PRICKLE1: variants seen among roughly 807,000 people sequenced by gnomAD.
The protein encoded by PRICKLE1 is prickle planar cell polarity protein 1.
A neutral mutation model predicts 70.2 loss-of-function variants in PRICKLE1; 14 were observed. That is an observed-to-expected ratio of 0.20 (90% CI 0.13 to 0.31). PRICKLE1 has a LOEUF of 0.31. Among genes scored for constraint, PRICKLE1 ranks in the 10% least tolerant of loss-of-function variants. The probability of loss-of-function intolerance (pLI) is 1.00; values close to 1 mark genes in which losing one functional copy is unlikely to be tolerated. For synonymous variants in PRICKLE1, 357 were observed against 379.9 expected (o/e 0.94, Z 0.70); for missense variants, 821 against 1,026.2 (o/e 0.80, Z 2.73).
Position 42,470,255 on chromosome 12 carries a change from A to C in PRICKLE1, c.237T>G (p.His79Gln), listed in dbSNP as rs2140118839. The stretch of plus-strand genomic sequence containing the variant: ...CTTCCTGCTATTTTACCTCATTATC[A>C]TGTGGTGGTAACTGGTACAAAAGCT... ...IKQLLYQLPP[H>Q]DNEVRYCQSL... Residue 79 changes from histidine to glutamine, a missense_variant, in exon 3 of 8, where the codon CAT becomes CAG. Coordinates refer to ENST00000345127, the MANE Select transcript of PRICKLE1 (RefSeq NM_153026.3). The C allele has an allele frequency of 1.9e-6, 3 of 1,607,760 alleles. No individual in the cohort carries two copies. The highest frequency in any genetic ancestry group is 2.6e-6 in the Non-Finnish European group (3 of 1,174,420).
chr12:42,583,109 A>G (rs887343545), intron 1 of PRICKLE1, among the ~76,000 whole-genome samples: 2 of 151,932 alleles, frequency 1.3e-5, no homozygotes, highest in South Asian at 4.2e-4. Flanking sequence ...TGGTGAAACT[A>G]TACATGGCTT....
chr12:42,480,455 A>C (rs985326726), intron 1 of PRICKLE1, among the ~76,000 whole-genome samples: 4 of 152,244 alleles, frequency 2.6e-5, no homozygotes, highest in Non-Finnish European at 5.9e-5. Flanking sequence ...TGGCATGGAC[A>C]AGGGCTTAAG....
At chr12:42,532,527 G>C (rs952489389) in intron 1 of PRICKLE1, among the ~76,000 whole-genome samples, 1 of 152,176 alleles carries the variant, frequency 6.6e-6, no homozygotes, top group Non-Finnish European at 1.5e-5. Context: ...ATTTTATTTA[G>C]CTCAACTTAT....
chr12:42,492,948 G>A (rs1411143215), intron 1 of PRICKLE1, among the ~76,000 whole-genome samples: 1 of 152,176 alleles, frequency 6.6e-6, no homozygotes, highest in Non-Finnish European at 1.5e-5. Flanking sequence ...ATGGAGTGGT[G>A]AATGACTAAC....
intron 1 of PRICKLE1, among the ~76,000 whole-genome samples, chr12:42,514,005 C>T (rs1939562392): frequency 6.6e-6 from 1 of 151,978 alleles, no homozygotes; most frequent in Admixed American, 6.6e-5. Context: ...CTCCAAAAAA[C>T]AACAACAAAA....
At chr12:42,574,847 A>G (rs1267157766) in intron 1 of PRICKLE1, among the ~76,000 whole-genome samples, 1 of 152,010 alleles carries the variant, frequency 6.6e-6, no homozygotes, top group African/African-American at 2.4e-5. Context: ...ACAATCAGGA[A>G]ATGAAGAAAA....
In PRICKLE1 at chr12:42,460,069, G is replaced by A. The variant is rs3827522; in HGVS notation, c.2236C>T (p.Pro746Ser). 5.4e-3 allele frequency: 8,769 copies of A among 1,614,082 alleles called. 192 individuals are homozygous for A. The East Asian group carries it at 0.08, about 15-fold the overall frequency. Residue 746 changes from proline to serine, a missense_variant, in exon 8 of 8, where the codon CCA becomes TCA. Coordinates refer to ENST00000345127, the MANE Select transcript of PRICKLE1 (RefSeq NM_153026.3). ...AGTCCCAGAAACCGATTCATTCCTG[G>A]GTTCTGCAGGCCATAATCGGAAGTG... ...HATSDYGLQN[P>S]GMNRFLGLYG...
intron 1 of PRICKLE1, among the ~76,000 whole-genome samples, chr12:42,475,445 C>G (rs114216350): frequency 6.6e-6 from 1 of 152,130 alleles, no homozygotes; most frequent in Non-Finnish European, 1.5e-5. Context: ...TGCCCAAGGT[C>G]AGTAAGTGGT....
intron 1 of PRICKLE1, among the ~76,000 whole-genome samples, chr12:42,505,001 G>T (rs1431485159): frequency 6.6e-6 from 1 of 152,054 alleles, no homozygotes; most frequent in South Asian, 2.1e-4. Flanking sequence ...TTAGCCGAGC[G>T]TGGTGGCGGG....
intron 1 of PRICKLE1, among the ~76,000 whole-genome samples, chr12:42,531,548 C>T (rs1013858237): frequency 1.1e-4 from 16 of 152,168 alleles, no homozygotes; most frequent in African/African-American, 3.9e-4. Context: ...TTTTCCATTT[C>T]ATAATTGTGT....
intron 1 of PRICKLE1, among the ~76,000 whole-genome samples, chr12:42,559,328 C>CCCG (rs1940460972): frequency 6.6e-6 from 1 of 152,046 alleles, no homozygotes; most frequent in South Asian, 2.1e-4. Context: ...CAAAGTAAAG[C>CCCG]CCACTCAAGA....
At chr12:42,579,939 T>C (rs919400289) in intron 1 of PRICKLE1, among the ~76,000 whole-genome samples, 9 of 152,098 alleles carry the variant, frequency 5.9e-5, no homozygotes, top group African/African-American at 2.2e-4. Flanking sequence ...TGGCGCAATC[T>C]TGGCTCACTG....
chr12:42,502,924 G>A (rs1939340958), intron 1 of PRICKLE1, among the ~76,000 whole-genome samples: 1 of 152,210 alleles, frequency 6.6e-6, no homozygotes, highest in South Asian at 2.1e-4. Flanking sequence ...CAAACTTGCA[G>A]TTAAGCTGAA....
intron 1 of PRICKLE1, among the ~76,000 whole-genome samples, chr12:42,539,932 C>CTAATTGTAATTAAATTGTAATTAAA (rs1193489343): frequency 6.6e-6 from 1 of 152,124 alleles, no homozygotes; most frequent in Non-Finnish European, 1.5e-5. Context: ...AATCTAATGT[C>CTAATTGTAATTAAATTGTAATTAAA]CTGGAGAATA....
intron 5 of PRICKLE1, among the ~76,000 whole-genome samples, chr12:42,467,265 T>C (rs982520371): frequency 5.3e-5 from 8 of 151,606 alleles, no homozygotes; most frequent in African/African-American, 1.9e-4. Flanking sequence ...TAAAGGTGCA[T>C]GCCACCATGC....
Position 42,459,477 on chromosome 12 carries a change from A to G in PRICKLE1, c.*332T>C, listed in dbSNP as rs984942989. 3 of 658,098 alleles carry G rather than the reference A, an allele frequency of 4.6e-6. No individual in the cohort carries two copies. Among genetic ancestry groups the G allele is most frequent in the Middle Eastern group, 2.5e-4 (1 of 3,930 alleles). The allele number at this position is 658,098 out of a possible 1,614,324, so 40.8% of individuals were successfully genotyped here. A position where few individuals can be genotyped will look rare whatever the true frequency, so the allele number is the denominator to read the frequency against. On this transcript the variant is annotated 3_prime_UTR_variant, in exon 8 of 8. Coordinates refer to ENST00000345127, the MANE Select transcript of PRICKLE1 (RefSeq NM_153026.3). ...TTTACAAAGGTGGCTGGAGTTCTCCATCTTCTAAAATCAACATCCAATCCC... is the reference window on the plus strand; with the variant it reads ...TTTACAAAGGTGGCTGGAGTTCTCCGTCTTCTAAAATCAACATCCAATCCC...
chr12:42,522,023 T>C (rs1939719116), intron 1 of PRICKLE1, among the ~76,000 whole-genome samples: 2 of 150,846 alleles, frequency 1.3e-5, no homozygotes, highest in South Asian at 4.2e-4. Context: ...TTGCCCAGGC[T>C]AGAGTGCAGT....
intron 1 of PRICKLE1, among the ~76,000 whole-genome samples, chr12:42,493,548 T>C (rs1207058221): frequency 1.3e-5 from 2 of 152,176 alleles, no homozygotes; most frequent in Non-Finnish European, 2.9e-5. Context: ...CAAACAAATA[T>C]TGTCCTTCGT....
intron 1 of PRICKLE1, among the ~76,000 whole-genome samples, chr12:42,501,441 G>A (rs1310756731): frequency 6.7e-6 from 1 of 148,662 alleles, no homozygotes; most frequent in Non-Finnish European, 1.5e-5. Flanking sequence ...ACCCGGGAAG[G>A]GGAGGTTGTA....
Sources: gnomAD v4.1 joint callset for allele counts (sites outside exome capture counted in the v4.1 genomes callset) on GRCh38, gnomAD v4.1.1 for gene constraint, MANE v1.5 for transcripts, NCBI Gene and HGNC (gene_info 2026-07-23, HGNC 2026-07-21) for gene names.